SORCS1: variants seen among roughly 807,000 people sequenced by gnomAD.
SORCS1 encodes the protein VPS10 domain-containing receptor SorCS1.
In SORCS1, 60 loss-of-function variants were observed where a neutral mutation model predicts 146.1. That is an observed-to-expected ratio of 0.41 (90% CI 0.33 to 0.51). SORCS1 has a LOEUF of 0.51. SORCS1 is among the 20% of genes least tolerant of loss of function. The pLI, the probability that SORCS1 is intolerant of heterozygous loss-of-function variation, is 0.21. For missense variants in SORCS1, 1,352 were observed against 1,487.6 expected, an observed-to-expected ratio of 0.91 and a Z score of 1.50; for synonymous variants, 637 against 584.0, an observed-to-expected ratio of 1.09 and a Z score of -1.31.
intron 1 of SORCS1, among the ~76,000 whole-genome samples, chr10:106,968,920 A>G (rs1955637189): frequency 6.6e-6 from 1 of 152,234 alleles, no homozygotes; most frequent in South Asian, 2.1e-4. Flanking sequence ...CTCTTAAGAA[A>G]TTATAGTCAA....
At chr10:106,776,357 T>A (rs948804547) in intron 4 of SORCS1, among the ~76,000 whole-genome samples, 177 bp downstream of exon 4, 1 of 152,212 alleles carries the variant, frequency 6.6e-6, no homozygotes, top group African/African-American at 2.4e-5. Flanking sequence ...GATATTTACA[T>A]GATTTAAACA....
chr10:107,096,459 T>C (rs2134347067), intron 1 of SORCS1, among the ~76,000 whole-genome samples: 1 of 152,326 alleles, frequency 6.6e-6, no homozygotes, highest in Non-Finnish European at 1.5e-5. Flanking sequence ...GCAAAACAAC[T>C]TACTATATCA....
intron 2 of SORCS1, among the ~76,000 whole-genome samples, chr10:106,905,223 A>T (rs1163826832): frequency 1.3e-5 from 2 of 152,142 alleles, no homozygotes; most frequent in Admixed American, 1.3e-4. Context: ...TCTTAGGAAA[A>T]CATAATTAGT....
At chr10:106,893,836 G>A (rs12766204) in intron 2 of SORCS1, among the ~76,000 whole-genome samples, 327 of 152,076 alleles carry the variant, frequency 2.2e-3, no homozygotes, top group Non-Finnish European at 3.4e-3. Context: ...CCAGCTCTTC[G>A]GGCCAGCAGC....
At chr10:106,747,894 T>C (rs1050407274) in intron 5 of SORCS1, among the ~76,000 whole-genome samples, 9 of 152,226 alleles carry the variant, frequency 5.9e-5, no homozygotes, top group Non-Finnish European at 1.3e-4. Context: ...ATCCCATAAA[T>C]ATGTACTATT....
intron 2 of SORCS1, among the ~76,000 whole-genome samples, chr10:106,930,265 G>C (rs1953345859): frequency 6.6e-6 from 1 of 151,486 alleles, no homozygotes; most frequent in African/African-American, 2.4e-5. Flanking sequence ...CTGGGCGACA[G>C]AGCGAGACTC....
Position 107,092,883 on chromosome 10 carries a change from G to GAAAAAAAAAAAAA in SORCS1, c.558+71073_558+71085dup, listed in dbSNP as rs34184443. Among the ~76,000 whole-genome samples the GAAAAAAAAAAAAA allele has an allele frequency of 4.9e-5, 3 of 61,516 alleles. 1 individual carries two copies. Among genetic ancestry groups the GAAAAAAAAAAAAA allele is most frequent in the Non-Finnish European group, 6.0e-5 (2 of 33,224 alleles). 40.4% of individuals were successfully genotyped at this position (61,516 alleles called of 152,430 possible). A position where few individuals can be genotyped will look rare whatever the true frequency, so the allele number is the denominator to read the frequency against. ...GGTTCACGGGCTAAAAGAAGACCAT[G>GAAAAAAAAAAAAA]AAAAAAAAAAAAAAAAAAAAAAACC... is the stretch of plus-strand genomic sequence containing the variant. On this transcript the variant is annotated intron_variant, in intron 1 of 25. Coordinates refer to ENST00000263054, the MANE Select transcript of SORCS1 (RefSeq NM_052918.5).
intron 1 of SORCS1, among the ~76,000 whole-genome samples, chr10:107,114,805 A>G (rs1027332525): frequency 2.0e-5 from 3 of 152,132 alleles, no homozygotes; most frequent in African/African-American, 7.2e-5. Context: ...GGAAATGAAA[A>G]AGTTAAATTG....
At chr10:106,966,762 C>T (rs1372959616) in intron 1 of SORCS1, among the ~76,000 whole-genome samples, 1 of 152,200 alleles carries the variant, frequency 6.6e-6, no homozygotes, top group African/African-American at 2.4e-5. Context: ...GACATAAAAT[C>T]TGCACCTGAG....
At chr10:107,019,285 G>T (rs868360469) in intron 1 of SORCS1, among the ~76,000 whole-genome samples, 1 of 152,078 alleles carries the variant, frequency 6.6e-6, no homozygotes, top group South Asian at 2.1e-4. Context: ...AATATTAGAC[G>T]ATCATGCAGT....
chr10:107,131,124 C>T (rs1376610859), intron 1 of SORCS1, among the ~76,000 whole-genome samples: 1 of 152,172 alleles, frequency 6.6e-6, no homozygotes, highest in Non-Finnish European at 1.5e-5. Flanking sequence ...CACTCTCCTG[C>T]TCTTTATAGT....
intron 3 of SORCS1, among the ~76,000 whole-genome samples, chr10:106,783,404 A>G (rs114022939): frequency 0.01 from 1,576 of 152,332 alleles, 25 homozygotes; most frequent in African/African-American, 0.035. Flanking sequence ...TTATCTGTGC[A>G]AAAGCACTGT....
intron 5 of SORCS1, among the ~76,000 whole-genome samples, chr10:106,748,318 T>C (rs1475872480): frequency 6.6e-6 from 1 of 152,226 alleles, no homozygotes; most frequent in Non-Finnish European, 1.5e-5. Context: ...TTATAACATC[T>C]GTTACGGCGA....
intron 25 of SORCS1, chr10:106,578,761 G>C: frequency 4.4e-6 from 5 of 1,133,068 alleles, no homozygotes; most frequent in Non-Finnish European, 5.4e-6. Flanking sequence ...TAGCCTCTGA[G>C]GCCTCTCCTT....
At chr10:106,973,076 C>T (rs1174871590) in intron 1 of SORCS1, among the ~76,000 whole-genome samples, 2 of 152,186 alleles carry the variant, frequency 1.3e-5, no homozygotes, top group East Asian at 1.9e-4. Flanking sequence ...AACCCTTGCT[C>T]GACCCTCAGC....
chr10:106,904,639 C>T (rs1018360307), intron 2 of SORCS1, among the ~76,000 whole-genome samples: 3 of 152,316 alleles, frequency 2.0e-5, no homozygotes, highest in African/African-American at 4.8e-5. Flanking sequence ...TGCACAGCTA[C>T]GTGGCGGAGT....
chr10:107,162,164 T>C (rs1384374863), intron 1 of SORCS1, among the ~76,000 whole-genome samples: 2 of 152,236 alleles, frequency 1.3e-5, no homozygotes, highest in African/African-American at 4.8e-5. Context: ...ACTTTTCTCT[T>C]TCTTTCCAAG....
At chr10:107,176,217 CT>C in the SORCS1 span, among the ~76,000 whole-genome samples, 87 of 150,638 alleles carry the variant, frequency 5.8e-4, no homozygotes, top group East Asian at 0.014. Context: ...TCCTTCCTTC[CT>C]TCCTTCCTCC....
chr10:106,594,132 C>T (rs568890459), intron 24 of SORCS1, among the ~76,000 whole-genome samples: 1 of 152,300 alleles, frequency 6.6e-6, no homozygotes, highest in East Asian at 1.9e-4. Flanking sequence ...CTGGCCAAGC[C>T]AGCTGGCCAA....
Sources: gnomAD v4.1 joint callset for allele counts (sites outside exome capture counted in the v4.1 genomes callset) on GRCh38, gnomAD v4.1.1 for gene constraint, MANE v1.5 for transcripts, NCBI Gene and HGNC (gene_info 2026-07-23, HGNC 2026-07-21) for gene names.